The following ARID4B variants were observed in gnomAD, a reference collection of about 807,000 sequenced individuals.
ARID4B encodes AT-rich interaction domain 4B.
ARID4B carries 26 observed loss-of-function variants against 147.5 expected under a neutral mutation model. That is an observed-to-expected ratio of 0.18 (90% confidence interval 0.13 to 0.24). The LOEUF is 0.24. Among genes scored for constraint, ARID4B ranks in the 10% least tolerant of loss-of-function variants. The pLI is 1.00. For synonymous variants in ARID4B, 512 were observed against 507.9 expected, an observed-to-expected ratio of 1.01 and a Z score of -0.11; for missense variants, 1,179 against 1,511.5, an observed-to-expected ratio of 0.78 and a Z score of 3.65.
chr1:235,257,107 T>C lies in ARID4B; in HGVS notation c.183+53A>G, dbSNP rs1670033635. 7.4e-6 allele frequency: 9 copies of C among 1,211,770 alleles called. No individual in the cohort carries two copies. In the East Asian group the frequency reaches 1.6e-4, roughly 22 times the overall value. 75.1% of individuals were successfully genotyped at this position (1,211,770 alleles called of 1,614,324 possible). Reference sequence around the variant, plus strand: ...AGAGCCAATGAATTAATACCAAGTATGATTATTTTTTCCCAAACAACCATT... The same window carrying C: ...AGAGCCAATGAATTAATACCAAGTACGATTATTTTTTCCCAAACAACCATT... On this transcript the variant is annotated intron_variant, in intron 4 of 23. Transcript: ENST00000264183.
chr1:235,219,311 A>C (rs537658054), intron 16 of ARID4B, among the ~76,000 whole-genome samples: 22 of 152,336 alleles, frequency 1.4e-4, no homozygotes, highest in African/African-American at 5.1e-4. Context: ...CATAAATTAC[A>C]TTGTCAAATA....
intron 7 of ARID4B, among the ~76,000 whole-genome samples, chr1:235,245,490 CT>C (rs1458946832): frequency 2.6e-5 from 4 of 151,802 alleles, no homozygotes; most frequent in Non-Finnish European, 5.9e-5. Context: ...TAGATGCAAT[CT>C]TCTAAAAATT....
chr1:235,191,993 G>A (rs1001866034), intron 19 of ARID4B, among the ~76,000 whole-genome samples: 2 of 152,044 alleles, frequency 1.3e-5, no homozygotes, highest in African/African-American at 2.4e-5. Context: ...TGGAAAGGTC[G>A]CTTGAGCCCA....
At chr1:235,298,019 T>C (rs962250003) in intron 2 of ARID4B, among the ~76,000 whole-genome samples, 3 of 152,116 alleles carry the variant, frequency 2.0e-5, no homozygotes, top group Non-Finnish European at 2.9e-5. Context: ...GGAATTAATG[T>C]TAATGTTATT....
chr1:235,207,389 A>C (rs1666376897), intron 17 of ARID4B, among the ~76,000 whole-genome samples: 1 of 152,240 alleles, frequency 6.6e-6, no homozygotes, highest in Non-Finnish European at 1.5e-5. Flanking sequence ...GATCGGCTGC[A>C]CAGGTGCAGG....
At chr1:235,284,914 T>A (rs970495830) in intron 2 of ARID4B, among the ~76,000 whole-genome samples, 22 of 151,334 alleles carry the variant, frequency 1.5e-4, no homozygotes, top group African/African-American at 2.9e-4. Flanking sequence ...ATATATATTT[T>A]TTTTTTGGAG....
intron 2 of ARID4B, among the ~76,000 whole-genome samples, chr1:235,283,974 T>C (rs886101271): frequency 6.6e-6 from 1 of 152,100 alleles, no homozygotes; most frequent in Non-Finnish European, 1.5e-5. Flanking sequence ...CGGCCTCAAG[T>C]GATCCGCCTG....
chr1:235,219,765 G>C, intron 16 of ARID4B, 28 bp downstream of exon 16: 3 of 1,546,814 alleles, frequency 1.9e-6, no homozygotes, highest in Non-Finnish European at 1.8e-6. Flanking sequence ...AAGCTGAAAT[G>C]CATCGTAACC....
At chr1:235,326,787 C>T in intron 2 of ARID4B, 127 bp downstream of exon 2, 1 of 1,232,666 alleles carries the variant, frequency 8.1e-7, no homozygotes, top group Non-Finnish European at 1.2e-6. Context: ...GGGAAGGGCT[C>T]GGTCACCAAG....
chr1:235,308,926 C>CT (rs1419425613), intron 2 of ARID4B, among the ~76,000 whole-genome samples: 1 of 152,162 alleles, frequency 6.6e-6, no homozygotes, highest in African/African-American at 2.4e-5. Flanking sequence ...GCGTCTCTGC[C>CT]TGGCCGCCCA....
intron 9 of ARID4B, 111 bp from the exon 10 acceptor site, chr1:235,231,300 T>C (rs1455898101): frequency 5.0e-6 from 3 of 602,930 alleles, no homozygotes; most frequent in Non-Finnish European, 8.4e-6. Context: ...AATATGGGAA[T>C]GTTGACGTTT....
intron 7 of ARID4B, among the ~76,000 whole-genome samples, chr1:235,241,150 A>G (rs1436724126): frequency 6.6e-6 from 1 of 152,212 alleles, no homozygotes; most frequent in Admixed American, 6.5e-5. Flanking sequence ...TAAAAAGGAA[A>G]ACAAAACAAA....
At chr1:235,254,605 A>G (rs925665392) in intron 5 of ARID4B, among the ~76,000 whole-genome samples, 2 of 152,016 alleles carry the variant, frequency 1.3e-5, no homozygotes, top group Non-Finnish European at 2.9e-5. Flanking sequence ...AACTGACTAC[A>G]TGAAAATTAA....
intron 16 of ARID4B, among the ~76,000 whole-genome samples, chr1:235,215,946 A>G (rs1012302005): frequency 6.6e-6 from 1 of 151,878 alleles, no homozygotes; most frequent in Non-Finnish European, 1.5e-5. Flanking sequence ...TTTCAGCTTT[A>G]TATCTCTATA....
At chr1:235,286,632 T>A (rs139243633) in intron 2 of ARID4B, among the ~76,000 whole-genome samples, 35 of 152,272 alleles carry the variant, frequency 2.3e-4, no homozygotes, top group African/African-American at 7.7e-4. Context: ...AGAGCTATAG[T>A]GCATGAGGAA....
intron 2 of ARID4B, among the ~76,000 whole-genome samples, chr1:235,277,595 TGTGTGTG>T (rs1671407614): frequency 3.9e-3 from 1 of 256 alleles, no homozygotes; most frequent in Non-Finnish European, 0.016. Context: ...TGCCTTATAT[TGTGTGTG>T]TGTGTGTGTG....
intron 19 of ARID4B, among the ~76,000 whole-genome samples, chr1:235,191,851 T>C (rs114021429): frequency 1.3e-5 from 2 of 152,066 alleles, no homozygotes; most frequent in African/African-American, 2.4e-5. Flanking sequence ...GGCAGATGGA[T>C]TGGATTGCTT....
intron 2 of ARID4B, among the ~76,000 whole-genome samples, chr1:235,314,285 C>T (rs535414650): frequency 1.1e-4 from 17 of 152,176 alleles, no homozygotes; most frequent in South Asian, 1.0e-3. Flanking sequence ...ACAACTGCCA[C>T]GTACTAACTG....
At chr1:235,324,708 G>A (rs1040124020) in intron 2 of ARID4B, among the ~76,000 whole-genome samples, 4 of 152,162 alleles carry the variant, frequency 2.6e-5, no homozygotes, top group Admixed American at 6.6e-5. Context: ...AGGCTAAGGC[G>A]GGAGAGTCAC....
Sources: gnomAD v4.1 joint callset for allele counts (sites outside exome capture counted in the v4.1 genomes callset) on GRCh38, gnomAD v4.1.1 for gene constraint, MANE v1.5 for transcripts, NCBI Gene and HGNC (gene_info 2026-07-23, HGNC 2026-07-21) for gene names.